Variants in RABGAP1L observed in about 807,000 individuals in gnomAD.
RABGAP1L encodes rab GTPase-activating protein 1-like.
A neutral mutation model predicts 137.7 loss-of-function variants in RABGAP1L; 63 were observed. The ratio of observed to expected loss-of-function variants is 0.46; its 90% CI spans 0.37 to 0.56. RABGAP1L has a LOEUF of 0.56. Among genes scored for constraint, RABGAP1L ranks in the 20% least tolerant of loss-of-function variants. The pLI, the probability that RABGAP1L is intolerant of heterozygous loss-of-function variation, is 0.00. For missense variants in RABGAP1L, 1,095 were observed against 1,244.0 expected (o/e 0.88, Z 1.80); for synonymous variants, 431 against 433.7 (o/e 0.99, Z 0.08).
At chr1:174,716,711 C>G (rs1419603300) in intron 17 of RABGAP1L, among the ~76,000 whole-genome samples, 1 of 152,064 alleles carries the variant, frequency 6.6e-6, no homozygotes, top group African/African-American at 2.4e-5. Flanking sequence ...TGACATTTTG[C>G]TTCTTGTCCT....
At chr1:174,892,732 C>CT (rs57239363) in intron 19 of RABGAP1L, 24,634 of 379,730 alleles carry the variant, frequency 0.065, 37 homozygotes, top group South Asian at 0.094. Flanking sequence ...TGTTTTCTTT[C>CT]TTTTTTTTTT....
At chr1:174,213,589 C>T (rs1383214373) in intron 1 of RABGAP1L, among the ~76,000 whole-genome samples, 1 of 152,046 alleles carries the variant, frequency 6.6e-6, no homozygotes, top group African/African-American at 2.4e-5. Context: ...AAAATGTTAC[C>T]AAACAAAACA....
rs1229002557 is a variant in RABGAP1L at position 174,946,917 on chromosome 1, AATATAT to A, written c.2341-10521_2341-10516del. Among the ~76,000 whole-genome samples the A allele has an allele frequency of 3.7e-4, 22 of 59,818 alleles. 1 individual carries two copies. The highest frequency in any genetic ancestry group is 2.0e-3 in the African/African-American group (22 of 10,938). 39.2% of individuals were successfully genotyped at this position (59,818 alleles called of 152,430 possible). On this transcript the variant is annotated intron_variant, in intron 19 of 25. Transcript: ENST00000681986. ...CTCCATCTCAAAAAAAAAAAAAAAAAATATATATATATATATATATATATGTGTGTG... is the reference window on the plus strand; with the variant it reads ...CTCCATCTCAAAAAAAAAAAAAAAAAATATATATATATATATATGTGTGTG...
intron 17 of RABGAP1L, among the ~76,000 whole-genome samples, chr1:174,732,193 A>C: frequency 1.0e-5 from 1 of 98,890 alleles, no homozygotes; most frequent in South Asian, 3.0e-4. Context: ...GTGAGACCCC[A>C]TCCCCCCCAA....
chr1:174,311,289 A>C (rs1558122076), intron 11 of RABGAP1L, among the ~76,000 whole-genome samples: 1 of 152,102 alleles, frequency 6.6e-6, no homozygotes, highest in Non-Finnish European at 1.5e-5. Context: ...CCCCCTTATA[A>C]AACCATCAGA....
chr1:174,701,031 G>A, intron 16 of RABGAP1L: 2 of 1,293,628 alleles, frequency 1.5e-6, no homozygotes, highest in South Asian at 2.5e-5. Context: ...GGCACATTTG[G>A]CTATTTTTCA....
Position 174,448,085 on chromosome 1 carries a change from C to CT in RABGAP1L, c.1710+53941dup. The CT allele has an allele frequency of 6.3e-7, 1 of 1,589,036 alleles. No individual in the cohort carries two copies. The highest frequency in any genetic ancestry group is 8.6e-7 in the Non-Finnish European group (1 of 1,166,048). ...GGGCATCTGCTTGCTGTAGCCAAGT[C>CT]TGCAGGTGTCTTTAAATTTCCAAGC... On this transcript the variant is annotated intron_variant, in intron 13 of 25. Transcript: ENST00000681986. This position sits in a 1 kb window ranked among gnomAD's most constrained non-coding sequence, Gnocchi z 4.2.
chr1:174,400,307 T>A (rs1482722877), intron 13 of RABGAP1L, among the ~76,000 whole-genome samples: 6 of 152,176 alleles, frequency 3.9e-5, no homozygotes, highest in Non-Finnish European at 8.8e-5. Flanking sequence ...CAGCCATTGC[T>A]TGCTTCAGAG....
At chr1:174,586,267 C>G (rs1268603011) in intron 13 of RABGAP1L, among the ~76,000 whole-genome samples, 1 of 151,574 alleles carries the variant, frequency 6.6e-6, no homozygotes, top group African/African-American at 2.4e-5. Context: ...AGCAAACTAA[C>G]GCAGGAACAG....
chr1:174,173,588 G>T (rs1665585863), intron 1 of RABGAP1L, among the ~76,000 whole-genome samples: 1 of 151,856 alleles, frequency 6.6e-6, no homozygotes, highest in African/African-American at 2.4e-5. Context: ...TATATGAAAG[G>T]TCATTTTAAT....
intron 13 of RABGAP1L, among the ~76,000 whole-genome samples, chr1:174,460,818 C>T (rs1031772037): frequency 1.3e-5 from 2 of 151,882 alleles, no homozygotes; most frequent in Non-Finnish European, 2.9e-5. Context: ...TTTTTCTTCC[C>T]TACACTAAAA....
chr1:174,765,310 C>T (rs558327031), intron 18 of RABGAP1L, among the ~76,000 whole-genome samples: 11 of 152,272 alleles, frequency 7.2e-5, no homozygotes, highest in East Asian at 1.9e-4. Context: ...TGAATGCGCC[C>T]GATCTCATCT....
At chr1:174,941,522 C>T (rs2149292659) in intron 19 of RABGAP1L, among the ~76,000 whole-genome samples, 1 of 152,266 alleles carries the variant, frequency 6.6e-6, no homozygotes, top group African/African-American at 2.4e-5. Flanking sequence ...TAGCCTAATG[C>T]CTGCACAGTG....
intron 13 of RABGAP1L, among the ~76,000 whole-genome samples, chr1:174,626,094 T>C (rs1451783157): frequency 2.0e-5 from 3 of 152,226 alleles, no homozygotes; most frequent in African/African-American, 4.8e-5. Context: ...TGCCTGTTGA[T>C]ATTAATTCCA....
At chr1:174,276,742 A>G (rs1392040739) in intron 9 of RABGAP1L, among the ~76,000 whole-genome samples, 1 of 151,984 alleles carries the variant, frequency 6.6e-6, no homozygotes. Context: ...TTAACTTTTC[A>G]TATTATTTAT....
intron 23 of RABGAP1L, among the ~76,000 whole-genome samples, chr1:174,981,546 C>G (rs1251611472): frequency 1.9e-5 from 2 of 103,436 alleles, no homozygotes; most frequent in African/African-American, 7.2e-5. Flanking sequence ...CCCTGTTTTT[C>G]CATCTTTTTT....
intron 19 of RABGAP1L, among the ~76,000 whole-genome samples, chr1:174,853,955 A>T (rs1250474130): frequency 1.3e-5 from 2 of 152,154 alleles, no homozygotes; most frequent in African/African-American, 4.8e-5. Flanking sequence ...TACAGTTTGG[A>T]CCCTGCATCT....
chr1:174,201,812 C>T (rs12724918), intron 1 of RABGAP1L, among the ~76,000 whole-genome samples: 2 of 126,368 alleles, frequency 1.6e-5, no homozygotes, highest in African/African-American at 6.0e-5. Context: ...TCCCCCCACC[C>T]CACAACAGTC....
At chr1:174,930,978 G>T (rs1043557688) in intron 19 of RABGAP1L, among the ~76,000 whole-genome samples, 5 of 152,122 alleles carry the variant, frequency 3.3e-5, no homozygotes, top group Admixed American at 2.0e-4. Context: ...CCAAGTAGGG[G>T]ATAGTTTGGC....
Sources: allele counts gnomAD v4.1 joint callset (sites outside exome capture counted in the v4.1 genomes callset), GRCh38; gene constraint gnomAD v4.1.1; non-coding constraint Gnocchi (gnomAD v3.1); transcripts MANE v1.5; gene names NCBI Gene and HGNC (gene_info 2026-07-23, HGNC 2026-07-21).